The following PLCD4 variants were observed in gnomAD, a reference collection of about 807,000 sequenced individuals.
PLCD4 encodes phospholipase C delta 4.
In PLCD4, 63 loss-of-function variants were observed where a neutral mutation model predicts 90.2. That is an observed-to-expected ratio of 0.70 (90% CI 0.57 to 0.86). The LOEUF (loss-of-function observed/expected upper bound fraction) is 0.86. PLCD4 is among the 40% of genes least tolerant of loss of function. The pLI is 0.00. For missense variants in PLCD4, 830 were observed against 956.3 expected (o/e 0.87, Z 1.74); for synonymous variants, 294 against 356.5 (o/e 0.82, Z 1.97).
intron 7 of PLCD4, 77 bp downstream of exon 7, chr2:218,628,307 A>C (rs1696205498): frequency 1.4e-6 from 2 of 1,393,924 alleles, no homozygotes; most frequent in Non-Finnish European, 1.0e-6. Flanking sequence ...TCAGTGTCTA[A>C]CAGATTGGGA....
chr2:218,608,094 A>C (rs995492218), intron 1 of PLCD4, 24 bp downstream of exon 1: 1 of 152,394 alleles, frequency 6.6e-6, no homozygotes, highest in African/African-American at 2.4e-5. Context: ...AGCTCTGACT[A>C]CCCTCTGCTC....
chr2:218,633,446 A>C (rs547476378), intron 10 of PLCD4, 159 bp from the exon 11 acceptor site: 5 of 871,896 alleles, frequency 5.7e-6, no homozygotes, highest in African/African-American at 3.3e-5. Context: ...CCAGGCTCCT[A>C]TTTCCAAGCC....
intron 7 of PLCD4, 132 bp downstream of exon 7, chr2:218,628,362 G>GCTCCTCTGGT: frequency 1.2e-6 from 1 of 822,476 alleles, no homozygotes; most frequent in Non-Finnish European, 2.0e-6. Context: ...GGATACCAGA[G>GCTCCTCTGGT]ACACTTGGAG....
intron 6 of PLCD4, among the ~76,000 whole-genome samples, chr2:218,626,371 C>T (rs1475803593): frequency 1.3e-5 from 2 of 152,162 alleles, no homozygotes; most frequent in Non-Finnish European, 2.9e-5. Flanking sequence ...TGTTGTTCCA[C>T]CTTCCAGGCG....
intron 6 of PLCD4, among the ~76,000 whole-genome samples, chr2:218,625,042 G>C (rs1269066182): frequency 1.2e-5 from 1 of 86,212 alleles, no homozygotes; most frequent in Non-Finnish European, 2.4e-5. Flanking sequence ...AACCTGGGAG[G>C]CAGAGGTTGC....
At position 218,634,378 on chromosome 2, in the gene PLCD4, C is replaced by G. The variant is rs1215378858; in HGVS notation, c.1724-80C>G. 6 of 1,574,806 alleles carry G rather than the reference C, an allele frequency of 3.8e-6. No homozygotes were observed. The highest frequency in any genetic ancestry group is 5.2e-6 in the Non-Finnish European group (6 of 1,158,670). On this transcript the variant is annotated intron_variant, in intron 12 of 15. Transcript: ENST00000450993. The surrounding 1 kb of genome is among the most constrained non-coding windows in gnomAD (Gnocchi z 4.0). Reference sequence around the variant, plus strand: ...CCAGCAGGTACCGTGCACCCAGTACCTATCTTCTTAACTCCCTGAAAGAGG... The same window carrying G: ...CCAGCAGGTACCGTGCACCCAGTACGTATCTTCTTAACTCCCTGAAAGAGG...
At chr2:218,621,934 G>A (rs1196821236) in intron 5 of PLCD4, among the ~76,000 whole-genome samples, 1 of 151,978 alleles carries the variant, frequency 6.6e-6, no homozygotes, top group Non-Finnish European at 1.5e-5. Context: ...CAAAAAATTA[G>A]CCGGGTGTGG....
At position 218,628,093 on chromosome 2, in the gene PLCD4, C is replaced by T. The variant is rs1181673257; in HGVS notation, c.837C>T (p.Asp279=). The T allele has an allele frequency of 6.2e-7, 1 of 1,614,018 alleles. No homozygotes were observed. Among genetic ancestry groups the T allele is most frequent in the Non-Finnish European group, 8.5e-7 (1 of 1,179,876 alleles). ...GCTACCTCTGCTCTAAGGATGGAGA[C>T]ATCTTCAACCCAGCCTGCCTCCCCA... ...FLSYLCSKDG[D]IFNPACLPIY... is the part of the protein sequence containing the mutation. Residue 279 remains aspartate, a synonymous_variant, in exon 7 of 16, where the codon GAC becomes GAT. Transcript: ENST00000450993.
At chr2:218,614,254 C>T (rs958505579) in intron 1 of PLCD4, among the ~76,000 whole-genome samples, 3 of 152,076 alleles carry the variant, frequency 2.0e-5, no homozygotes, top group Non-Finnish European at 4.4e-5. Context: ...CTTCTGACTT[C>T]ATGGTCCGCC....
chr2:218,608,376 A>T (rs1205763896), intron 1 of PLCD4, among the ~76,000 whole-genome samples: 1 of 152,134 alleles, frequency 6.6e-6, no homozygotes. Flanking sequence ...GGGAAGAAAA[A>T]ATTGGAGTAG....
chr2:218,631,208 AG>A (rs1696344657), intron 9 of PLCD4, among the ~76,000 whole-genome samples: 2 of 152,048 alleles, frequency 1.3e-5, no homozygotes, highest in Non-Finnish European at 2.9e-5. Flanking sequence ...CTTGTCGCCC[AG>A]GCTGGAGTGC....
chr2:218,626,630 A>ATTG (rs759223525), intron 6 of PLCD4, among the ~76,000 whole-genome samples: 1 of 152,100 alleles, frequency 6.6e-6, no homozygotes, highest in Non-Finnish European at 1.5e-5. Context: ...ACTGTTAGTC[A>ATTG]TTGTTGTTGT....
At chr2:218,633,329 T>C (rs1460438904) in intron 10 of PLCD4, 4 of 702,186 alleles carry the variant, frequency 5.7e-6, no homozygotes, top group Non-Finnish European at 5.2e-6. Flanking sequence ...AGCCCAGAGG[T>C]TGACACTGAT....
intron 7 of PLCD4, 98 bp from the exon 8 acceptor site, chr2:218,629,421 G>C: frequency 7.1e-7 from 1 of 1,406,816 alleles, no homozygotes; most frequent in South Asian, 1.3e-5. Context: ...ATGGGTAAGT[G>C]CTGGTGAGCA....
intron 6 of PLCD4, among the ~76,000 whole-genome samples, chr2:218,626,787 A>G (rs1000764863): frequency 1.3e-4 from 20 of 152,188 alleles, no homozygotes; most frequent in Non-Finnish European, 1.9e-4. Flanking sequence ...AGAAACCCTC[A>G]GGCCATAGTT....
intron 1 of PLCD4, among the ~76,000 whole-genome samples, chr2:218,613,722 C>G (rs537617601): frequency 2.6e-5 from 4 of 152,134 alleles, no homozygotes; most frequent in African/African-American, 9.7e-5. Context: ...CACTACCACA[C>G]TCGGCTAATT....
intron 1 of PLCD4, among the ~76,000 whole-genome samples, chr2:218,615,125 G>A (rs1339636933): frequency 6.6e-6 from 1 of 152,134 alleles, no homozygotes; most frequent in Non-Finnish European, 1.5e-5. Context: ...CTACTCGGGA[G>A]GCCGAGGCAG....
At chr2:218,616,960 A>AGAG (rs1695635423) in intron 3 of PLCD4, among the ~76,000 whole-genome samples, 2 of 92,664 alleles carry the variant, frequency 2.2e-5, no homozygotes, top group African/African-American at 8.7e-5. Flanking sequence ...AGAGAGAGAG[A>AGAG]GAGAGAGAGA....
intron 11 of PLCD4, 112 bp downstream of exon 11, chr2:218,633,873 G>GCCC: frequency 8.6e-7 from 1 of 1,158,520 alleles, no homozygotes; most frequent in Non-Finnish European, 1.3e-6. Flanking sequence ...GAGAGATGAA[G>GCCC]GAGTTCAGAA....
Sources: gnomAD v4.1 joint callset for allele counts (sites outside exome capture counted in the v4.1 genomes callset) on GRCh38, gnomAD v4.1.1 for gene constraint, Gnocchi (gnomAD v3.1) non-coding constraint, MANE v1.5 for transcripts, NCBI Gene and HGNC (gene_info 2026-07-23, HGNC 2026-07-21) for gene names.